Variants in CLASP2 observed in about 807,000 individuals in gnomAD.
CLASP2 encodes CLIP-associating protein 2.
In CLASP2, 47 loss-of-function variants were observed where a neutral mutation model predicts 194.4. The ratio of observed to expected loss-of-function variants is 0.24; its 90% CI spans 0.19 to 0.31. The LOEUF (loss-of-function observed/expected upper bound fraction) is 0.31. CLASP2 is among the 10% of genes least tolerant of loss of function. CLASP2 has a pLI of 1.00. For missense variants in CLASP2, 1,445 were observed against 1,823.6 expected (o/e 0.79, Z 3.78); for synonymous variants, 619 against 633.5 (o/e 0.98, Z 0.34).
chr3:33,712,819 G>A lies in CLASP2; in HGVS notation c.195+4989C>T, dbSNP rs551429447. Among the ~76,000 whole-genome samples the A allele has an allele frequency of 7.3e-5, 11 of 151,694 alleles. No individual in the cohort carries two copies. The South Asian group carries it at 1.9e-3, about 26-fold the overall frequency. On this transcript the variant is annotated intron_variant, in intron 1 of 38. Coordinates refer to ENST00000682230, the MANE Select transcript of CLASP2 (RefSeq NM_001365631.1). ...CTCTACTAAAAATACAAAATAAGCC[G>A]GGCATGGTGGTGCGTGCCTGTAATC...
intron 27 of CLASP2, among the ~76,000 whole-genome samples, chr3:33,561,662 A>C (rs1479688026): frequency 6.6e-6 from 1 of 152,156 alleles, no homozygotes; most frequent in South Asian, 2.1e-4. Flanking sequence ...ATATTAATCT[A>C]TTTGTTTTAA....
At chr3:33,508,620 C>T (rs559199206) in intron 37 of CLASP2, among the ~76,000 whole-genome samples, 1 of 152,296 alleles carries the variant, frequency 6.6e-6, no homozygotes, top group Admixed American at 6.5e-5. Flanking sequence ...TGAGCCACCA[C>T]ACCTGGCCAA....
At chr3:33,584,407 G>A (rs2066886256) in intron 22 of CLASP2, among the ~76,000 whole-genome samples, 1 of 150,858 alleles carries the variant, frequency 6.6e-6, no homozygotes, top group Non-Finnish European at 1.5e-5. Context: ...CGAGTAGCTG[G>A]GATTACAGGC....
At chr3:33,608,171 C>A (rs1317112543) in intron 14 of CLASP2, among the ~76,000 whole-genome samples, 1 of 152,110 alleles carries the variant, frequency 6.6e-6, no homozygotes, top group African/African-American at 2.4e-5. Flanking sequence ...TGTGGAGAAA[C>A]CTCCCAACAA....
intron 29 of CLASP2, chr3:33,558,463 T>A (rs757424377): frequency 6.6e-6 from 1 of 151,994 alleles, no homozygotes; most frequent in Non-Finnish European, 1.5e-5. Flanking sequence ...TATAAGCACA[T>A]ATGCTTGTTA....
At chr3:33,611,963 C>T (rs375516049) in intron 13 of CLASP2, 38 bp downstream of exon 13, 78 of 1,363,110 alleles carry the variant, frequency 5.7e-5, no homozygotes, top group Non-Finnish European at 8.1e-5. Flanking sequence ...AGTATCAGAG[C>T]TATACTAACA....
At chr3:33,715,374 C>T (rs1425990399) in intron 1 of CLASP2, among the ~76,000 whole-genome samples, 1 of 152,140 alleles carries the variant, frequency 6.6e-6, no homozygotes, top group East Asian at 1.9e-4. Context: ...ATGCATCTTG[C>T]CTAGTATTCC....
intron 28 of CLASP2, among the ~76,000 whole-genome samples, chr3:33,560,389 C>A (rs1397858215): frequency 1.3e-5 from 2 of 151,918 alleles, no homozygotes; most frequent in African/African-American, 2.4e-5. Context: ...ATTACAGGTG[C>A]CTGCCACCAT....
chr3:33,690,269 G>C (rs938913730), intron 2 of CLASP2, among the ~76,000 whole-genome samples: 5 of 152,170 alleles, frequency 3.3e-5, no homozygotes, highest in African/African-American at 9.7e-5. Context: ...GTATCTCATA[G>C]TCAAAATTAT....
intron 19 of CLASP2, among the ~76,000 whole-genome samples, chr3:33,595,990 T>C (rs2070231809): frequency 6.6e-6 from 1 of 152,052 alleles, no homozygotes; most frequent in African/African-American, 2.4e-5. Context: ...GTGTCTGTTT[T>C]TCCTAGATCT....
intron 1 of CLASP2, among the ~76,000 whole-genome samples, chr3:33,705,964 C>A (rs1559694498): frequency 6.6e-6 from 1 of 152,066 alleles, no homozygotes; most frequent in Admixed American, 6.5e-5. Context: ...TTATAAAAAA[C>A]AATGATGGCT....
chr3:33,553,197 A>C (rs766758859), intron 29 of CLASP2, among the ~76,000 whole-genome samples: 3 of 152,196 alleles, frequency 2.0e-5, no homozygotes, highest in Non-Finnish European at 4.4e-5. Context: ...CAGGAAGTAA[A>C]ATATTAAAAT....
intron 32 of CLASP2, among the ~76,000 whole-genome samples, chr3:33,540,965 G>GT (rs2058255278): frequency 6.6e-6 from 1 of 152,020 alleles, no homozygotes; most frequent in Non-Finnish European, 1.5e-5. Flanking sequence ...TAGAGATGGG[G>GT]TTTTGCCATG....
chr3:33,684,295 A>G, intron 6 of CLASP2, 64 bp downstream of exon 6: 1 of 870,070 alleles, frequency 1.1e-6, no homozygotes, highest in South Asian at 1.7e-5. Flanking sequence ...ATACACAAAT[A>G]AAATGAAAAC....
intron 36 of CLASP2, among the ~76,000 whole-genome samples, chr3:33,513,215 C>A (rs979082928): frequency 1.3e-5 from 2 of 152,074 alleles, no homozygotes; most frequent in Admixed American, 1.3e-4. Context: ...CACTACCAAA[C>A]ACGGTTGAAT....
chr3:33,584,154 GA>G (rs1181848547), intron 22 of CLASP2, among the ~76,000 whole-genome samples: 7 of 151,944 alleles, frequency 4.6e-5, no homozygotes, highest in Admixed American at 1.3e-4. Context: ...AAACACACAA[GA>G]AACTGTGTAT....
intron 6 of CLASP2, among the ~76,000 whole-genome samples, chr3:33,666,873 T>C (rs1443418132): frequency 6.6e-6 from 1 of 152,208 alleles, no homozygotes; most frequent in South Asian, 2.1e-4. Flanking sequence ...ATATTTGTTA[T>C]TGTCTATCAT....
At chr3:33,527,840 G>A (rs1294189034) in intron 34 of CLASP2, among the ~76,000 whole-genome samples, 1 of 152,126 alleles carries the variant, frequency 6.6e-6, no homozygotes, top group Admixed American at 6.6e-5. Context: ...GCATGCACCT[G>A]TAATCCCAGC....
At chr3:33,612,553 T>C (rs1317250194) in intron 12 of CLASP2, among the ~76,000 whole-genome samples, 1 of 152,220 alleles carries the variant, frequency 6.6e-6, no homozygotes, top group Non-Finnish European at 1.5e-5. Context: ...CGTATCTCTC[T>C]AGAATTCAAG....
Sources: gnomAD v4.1 joint callset for allele counts (sites outside exome capture counted in the v4.1 genomes callset) on GRCh38, gnomAD v4.1.1 for gene constraint, MANE v1.5 for transcripts, NCBI Gene and HGNC (gene_info 2026-07-23, HGNC 2026-07-21) for gene names.